ANO1: variants seen among roughly 807,000 people sequenced by gnomAD.
ANO1 encodes anoctamin-1.
Under a neutral mutation model 124.0 loss-of-function variants are expected in ANO1, and 59 were observed. The ratio of observed to expected loss-of-function variants is 0.48; its 90% CI spans 0.39 to 0.59. ANO1 has a LOEUF of 0.59. Among genes scored for constraint, ANO1 ranks in the 20% least tolerant of loss-of-function variants. ANO1 has a pLI of 0.00. For missense variants in ANO1, 1,059 were observed against 1,328.0 expected (o/e 0.80, Z 3.15); for synonymous variants, 529 against 532.0 (o/e 0.99, Z 0.08).
chr11:70,158,492 C>T (rs1478893975), intron 16 of ANO1, among the ~76,000 whole-genome samples: 1 of 152,254 alleles, frequency 6.6e-6, no homozygotes, highest in Non-Finnish European at 1.5e-5. Context: ...AAACTAAAGC[C>T]AGAAGGCTGC....
intron 25 of ANO1, among the ~76,000 whole-genome samples, chr11:70,186,806 C>T (rs2049145493): frequency 6.6e-6 from 1 of 152,254 alleles, no homozygotes; most frequent in South Asian, 2.1e-4. Context: ...AGTTCTGTCA[C>T]AGGGCAGGCC....
At chr11:69,999,445 A>G (rs1193695135) in intron 1 of ANO1, among the ~76,000 whole-genome samples, 8 of 152,286 alleles carry the variant, frequency 5.3e-5, no homozygotes, top group Admixed American at 1.3e-4. Flanking sequence ...TTGGGCGGGG[A>G]CAATGTCCAA....
Position 70,149,798 on chromosome 11 carries a change from T to C in ANO1, c.1341+6T>C. The C allele has an allele frequency of 6.2e-7, 1 of 1,613,236 alleles. No individual in the cohort carries two copies. On this transcript the variant is annotated splice_donor_region_variant and intron_variant, in intron 12 of 25. Coordinates refer to ENST00000355303, the MANE Select transcript of ANO1 (RefSeq NM_018043.7). ...CGGGCTTTGAAGAGGAAGAGGTCAG[T>C]GGGTTTGCCGCCGTGCATATCACGC...
intron 1 of ANO1, among the ~76,000 whole-genome samples, chr11:70,087,410 CA>C (rs2044426821): frequency 1.3e-5 from 2 of 152,136 alleles, no homozygotes; most frequent in African/African-American, 4.8e-5. Flanking sequence ...CATCCCCTAC[CA>C]TAGCTTTTTG....
chr11:70,169,753 C>G (rs745961618), intron 21 of ANO1, among the ~76,000 whole-genome samples: 3 of 152,120 alleles, frequency 2.0e-5, no homozygotes, highest in Admixed American at 2.0e-4. Context: ...CCGCCATGGC[C>G]CATCCTACCT....
intron 1 of ANO1, among the ~76,000 whole-genome samples, chr11:70,061,304 G>A (rs1555007710): frequency 1.3e-5 from 2 of 152,112 alleles, no homozygotes; most frequent in African/African-American, 4.8e-5. Context: ...AAGGTGGGAG[G>A]CAGATGGGCG....
intron 1 of ANO1, among the ~76,000 whole-genome samples, chr11:69,997,897 C>T (rs781832166): frequency 1.4e-4 from 21 of 152,164 alleles, no homozygotes; most frequent in Non-Finnish European, 2.5e-4. Flanking sequence ...CAGATGCTGC[C>T]ATGTTTCCTG....
the ANO1 span, among the ~76,000 whole-genome samples, chr11:69,970,482 A>G: frequency 7.9e-5 from 12 of 152,336 alleles, 1 homozygote; most frequent in South Asian, 2.3e-3. Flanking sequence ...GGTCCCGACC[A>G]GCACGCGGGA....
At chr11:70,077,980 G>A (rs1430766009), upstream of ANO1, among the ~76,000 whole-genome samples, 1 of 151,990 alleles carries the variant, frequency 6.6e-6, no homozygotes, top group African/African-American at 2.4e-5. Flanking sequence ...AGTTTGCCAG[G>A]GTGGAGGGAA....
intron 1 of ANO1, among the ~76,000 whole-genome samples, chr11:70,030,236 C>A (rs1047901981): frequency 6.6e-6 from 1 of 152,232 alleles, no homozygotes; most frequent in African/African-American, 2.4e-5. Context: ...AAGTCACCGG[C>A]TGTGGGAAAT....
At chr11:70,117,960 C>T (rs535124445) in intron 8 of ANO1, among the ~76,000 whole-genome samples, 3 of 152,264 alleles carry the variant, frequency 2.0e-5, no homozygotes, top group Non-Finnish European at 4.4e-5. Context: ...CGTCTGGGAC[C>T]CCATGACTTG....
chr11:70,014,700 G>A (rs1233807255), intron 1 of ANO1, among the ~76,000 whole-genome samples: 1 of 152,084 alleles, frequency 6.6e-6, no homozygotes, highest in African/African-American at 2.4e-5. Context: ...ATACAGTTTC[G>A]GCTCTAAGAA....
At chr11:70,150,514 C>T (rs1026847238) in intron 12 of ANO1, among the ~76,000 whole-genome samples, 2 of 152,172 alleles carry the variant, frequency 1.3e-5, no homozygotes, top group South Asian at 4.1e-4. Context: ...CCACACTGAC[C>T]ACTATTTAAT....
intron 1 of ANO1, among the ~76,000 whole-genome samples, chr11:70,083,333 A>G (rs2044257731): frequency 6.6e-6 from 1 of 152,164 alleles, no homozygotes; most frequent in South Asian, 2.1e-4. Flanking sequence ...ATGGAGAGAC[A>G]AAAACACGAA....
At chr11:70,068,136 G>A (rs116589628) in intron 1 of ANO1, among the ~76,000 whole-genome samples, 1,955 of 152,298 alleles carry the variant, frequency 0.013, 44 homozygotes, top group African/African-American at 0.045. Flanking sequence ...GGTGGCAGTG[G>A]CCTCAGCAGC....
intron 2 of ANO1, among the ~76,000 whole-genome samples, chr11:70,095,212 AAGAGAG>A (rs5792509): frequency 8.0e-5 from 8 of 100,528 alleles, no homozygotes; most frequent in South Asian, 3.6e-4. Context: ...TCAAAAAAGA[AAGAGAG>A]AGAGAGAGAG....
At chr11:70,077,588 G>T (rs575445415), upstream of ANO1, among the ~76,000 whole-genome samples, 1 of 152,106 alleles carries the variant, frequency 6.6e-6, no homozygotes, top group African/African-American at 2.4e-5. Flanking sequence ...CCCCCGCTCC[G>T]CCCCTCCAGA....
rs530929026 is a variant in ANO1, at chr11:70,128,986, G to A, written c.1097+2791G>A. Among the ~76,000 whole-genome samples the A allele has an allele frequency of 7.9e-5, 12 of 152,330 alleles. No homozygotes were observed. In the East Asian group the frequency reaches 2.3e-3, roughly 29 times the overall value. ...GCCATCCTCAGTCCAGGTGGTCACT[G>A]TGGCCTGGGCCACATGCTGGCGATG... is the stretch of plus-strand genomic sequence containing the variant. On this transcript the variant is annotated intron_variant, in intron 10 of 25. Transcript: ENST00000355303.
At position 70,044,320 on chromosome 11, in the gene ANO1, T is replaced by C. The variant is rs144946545; in HGVS notation, c.59-34222T>C. ...ATGGTAGATTTATATGCACGTTTATTAATACGTTAAATGTAAATGGTCTAC... is the reference window on the plus strand; with the variant it reads ...ATGGTAGATTTATATGCACGTTTATCAATACGTTAAATGTAAATGGTCTAC... On this transcript the variant is annotated intron_variant, in intron 1 of 27. Coordinates refer to the ANO1 transcript ENST00000531349. Among the ~76,000 whole-genome samples, 8 of 152,196 alleles carry C rather than the reference T, an allele frequency of 5.3e-5. No individual in the cohort carries two copies. The East Asian group carries it at 1.3e-3, about 26-fold the overall frequency.
Sources: gnomAD v4.1 joint callset for allele counts (sites outside exome capture counted in the v4.1 genomes callset) on GRCh38, gnomAD v4.1.1 for gene constraint, MANE v1.5 for transcripts, NCBI Gene and HGNC (gene_info 2026-07-23, HGNC 2026-07-21) for gene names.